Variants in DRC10 observed in about 807,000 individuals in gnomAD.
The protein encoded by DRC10 is dynein regulatory complex subunit 10.
At chr12:113,195,672 G>C in the DRC10 span, 5 of 1,613,288 alleles carry the variant, frequency 3.1e-6, no homozygotes, top group African/African-American at 6.7e-5. Context: ...TCTGAGCAGG[G>C]AGCGCACCAG....
chr12:113,200,614 A>G, the DRC10 span: 17 of 1,516,632 alleles, frequency 1.1e-5, no homozygotes, highest in African/African-American at 1.1e-4. Context: ...CCGGTTCTCC[A>G]TGACCAGGTT....
chr12:113,197,763 G>A, the DRC10 span, among the ~76,000 whole-genome samples: 1 of 152,194 alleles, frequency 6.6e-6, no homozygotes, highest in African/African-American at 2.4e-5. Flanking sequence ...ACAGGGGAGA[G>A]AACTGAGGCT....
the DRC10 span, among the ~76,000 whole-genome samples, chr12:113,220,031 C>T: frequency 3.3e-5 from 5 of 152,204 alleles, no homozygotes; most frequent in African/African-American, 1.2e-4. Flanking sequence ...TAGTCGCAAA[C>T]TCCTGGCCTC....
At chr12:113,209,003 C>T in the DRC10 span, among the ~76,000 whole-genome samples, 3 of 152,340 alleles carry the variant, frequency 2.0e-5, no homozygotes, top group South Asian at 6.2e-4. Context: ...ATGATCTCGG[C>T]TCACTGCAAC....
the DRC10 span, among the ~76,000 whole-genome samples, chr12:113,212,679 A>T: frequency 6.6e-6 from 1 of 152,240 alleles, no homozygotes; most frequent in Admixed American, 6.5e-5. Context: ...TCATTTCTTG[A>T]CAGCTCATTT....
chr12:113,199,041 A>G, the DRC10 span, among the ~76,000 whole-genome samples: 1 of 152,056 alleles, frequency 6.6e-6, no homozygotes, highest in Admixed American at 6.6e-5. Context: ...GAGTTCAAGC[A>G]ATTCTCATGC....
At chr12:113,207,695 G>A in the DRC10 span, 2 of 1,614,190 alleles carry the variant, frequency 1.2e-6, no homozygotes, top group South Asian at 1.1e-5. Context: ...CTGAGCAAGA[G>A]TCTAAGGACG....
chr12:113,220,990 T>A, the DRC10 span: 2 of 363,464 alleles, frequency 5.5e-6, no homozygotes, highest in Non-Finnish European at 1.1e-5. Context: ...CCCAACTGGC[T>A]ACTCACCTGC....
At chr12:113,213,745 G>A in the DRC10 span, among the ~76,000 whole-genome samples, 1 of 152,302 alleles carries the variant, frequency 6.6e-6, no homozygotes, top group East Asian at 1.9e-4. Context: ...GATCACTTGA[G>A]GTCAGGAGTT....
the DRC10 span, among the ~76,000 whole-genome samples, chr12:113,205,230 T>TA: frequency 2.1e-4 from 31 of 150,926 alleles, no homozygotes; most frequent in East Asian, 1.8e-3. Flanking sequence ...GAATTTTTTT[T>TA]TAAAAAAAAA....
At chr12:113,213,177 A>T in the DRC10 span, among the ~76,000 whole-genome samples, 1 of 36,360 alleles carries the variant, frequency 2.8e-5, no homozygotes, top group East Asian at 4.1e-4. Context: ...AGAGGGTGCT[A>T]AAAAAAAAAA....
chr12:113,195,752 C>T, the DRC10 span: 4 of 1,614,024 alleles, frequency 2.5e-6, no homozygotes, highest in Admixed American at 6.7e-5. Context: ...GCTCTGCCTC[C>T]ATCCTTTTCT....
chr12:113,197,624 C>T, the DRC10 span: 2 of 1,489,696 alleles, frequency 1.3e-6, no homozygotes, highest in Non-Finnish European at 9.1e-7. Flanking sequence ...TAGAAAAGAT[C>T]CAATTTGTCA....
chr12:113,197,967 A>G, the DRC10 span, among the ~76,000 whole-genome samples: 3 of 152,252 alleles, frequency 2.0e-5, no homozygotes, highest in African/African-American at 7.2e-5. Context: ...CTGTAATCCC[A>G]GCGCTTTGGG....
the DRC10 span, among the ~76,000 whole-genome samples, chr12:113,218,137 CTT>C: frequency 2.9e-4 from 40 of 139,696 alleles, no homozygotes; most frequent in Middle Eastern, 7.4e-3. Context: ...AAACCCTGAC[CTT>C]TTTTTTTTTT....
chr12:113,219,793 CTTATTTAT>C, the DRC10 span, among the ~76,000 whole-genome samples: 2 of 151,384 alleles, frequency 1.3e-5, no homozygotes, highest in African/African-American at 4.9e-5. Context: ...CCACCTCAGC[CTTATTTAT>C]TTATTTATTT....
the DRC10 span, among the ~76,000 whole-genome samples, chr12:113,202,282 C>G: frequency 6.6e-6 from 1 of 152,254 alleles, no homozygotes; most frequent in African/African-American, 2.4e-5. Flanking sequence ...ACAAATCACA[C>G]ACACATATGT....
the DRC10 span, among the ~76,000 whole-genome samples, chr12:113,197,037 T>A: frequency 6.6e-6 from 1 of 152,158 alleles, no homozygotes; most frequent in African/African-American, 2.4e-5. Flanking sequence ...AGTGATGCAG[T>A]GGAGGCAGGC....
chr12:113,197,739 C>T, the DRC10 span: 1 of 664,468 alleles, frequency 1.5e-6, no homozygotes. Context: ...AGGAGGTTCC[C>T]TTTTCTCCAT....
Sources: allele counts gnomAD v4.1 joint callset (sites outside exome capture counted in the v4.1 genomes callset), GRCh38; gene constraint gnomAD v4.1.1; transcripts MANE v1.5; gene names NCBI Gene and HGNC (gene_info 2026-07-23, HGNC 2026-07-21).